Variants in GRIK2 observed in about 807,000 individuals in gnomAD.
The protein encoded by GRIK2 is glutamate ionotropic receptor kainate type subunit 2.
A neutral mutation model predicts 100.3 loss-of-function variants in GRIK2; 32 were observed. The ratio of observed to expected loss-of-function variants is 0.32; its 90% CI spans 0.24 to 0.43. GRIK2 has a LOEUF of 0.43. Among genes scored for constraint, GRIK2 ranks in the 20% least tolerant of loss-of-function variants. GRIK2 has a pLI of 1.00. For synonymous variants in GRIK2, 417 were observed against 389.4 expected (o/e 1.07, Z -0.83); for missense variants, 843 against 1,114.9 (o/e 0.76, Z 3.47).
At position 101,738,139 on chromosome 6, in the gene GRIK2, CAATTGACACATTAAATGTCAATTGT is replaced by C. The variant is rs1369163379; in HGVS notation, c.951+51795_951+51819del. On this transcript the variant is annotated intron_variant, in intron 7 of 16. Transcript: ENST00000369134. ...TTATCCTAACATAGGAAAAAATATA[CAATTGACACATTAAATGTCAATTGT>C]AATTGACAATTGTCAAATGTCAATT... 1.4e-3 allele frequency among the ~76,000 whole-genome samples: 195 copies of C among 140,936 alleles called. 2 individuals carry two copies. The highest frequency in any genetic ancestry group is 4.5e-3 in the African/African-American group (170 of 38,080). The allele number at this position is 140,936 out of a possible 152,430, so 92.5% of individuals were successfully genotyped here. A position where few individuals can be genotyped will look rare whatever the true frequency, so the allele number is the denominator to read the frequency against.
At chr6:102,037,264 A>G (rs1010382944) in intron 15 of GRIK2, among the ~76,000 whole-genome samples, 3 of 151,328 alleles carry the variant, frequency 2.0e-5, no homozygotes, top group African/African-American at 7.3e-5. Context: ...CTGAGTCCAC[A>G]TAATTGAGGG....
At chr6:101,922,118 T>C (rs1219524036) in intron 12 of GRIK2, among the ~76,000 whole-genome samples, 273 of 15,392 alleles carry the variant, frequency 0.018, 4 homozygotes, top group African/African-American at 0.065. Flanking sequence ...CTTCCTTCCT[T>C]CCTTCCTTCC....
Position 101,943,369 on chromosome 6 carries a change from C to A in GRIK2, c.2085+14737C>A, listed in dbSNP as rs562171271. Reference sequence around the variant, plus strand: ...GGGAAATGTGGGGTTGGAGCCCCCACACAGAGTCTCCACTGGGGCACTGCC... The same window carrying A: ...GGGAAATGTGGGGTTGGAGCCCCCAAACAGAGTCTCCACTGGGGCACTGCC... On this transcript the variant is annotated intron_variant, in intron 14 of 16. Transcript: ENST00000369134. Among the ~76,000 whole-genome samples, 3 of 152,310 alleles carry A rather than the reference C, an allele frequency of 2.0e-5. No homozygotes were observed. The East Asian group carries it at 5.8e-4, about 29-fold the overall frequency.
intron 14 of GRIK2, among the ~76,000 whole-genome samples, chr6:102,018,239 C>A (rs534580811): frequency 1.9e-4 from 29 of 152,222 alleles, no homozygotes; most frequent in Non-Finnish European, 3.7e-4. Context: ...GGTCTACAAT[C>A]TCGCAGATCC....
At chr6:101,559,813 G>T (rs1255472304) in intron 2 of GRIK2, among the ~76,000 whole-genome samples, 7 of 151,968 alleles carry the variant, frequency 4.6e-5, no homozygotes, top group Non-Finnish European at 1.0e-4. Flanking sequence ...GAATACAACT[G>T]CTGGTTTTAC....
intron 10 of GRIK2, among the ~76,000 whole-genome samples, chr6:101,826,266 G>A (rs1325316476): frequency 6.6e-6 from 1 of 152,010 alleles, no homozygotes; most frequent in Non-Finnish European, 1.5e-5. Context: ...AGTCTGCTTT[G>A]AGAGGCACTG....
chr6:101,675,213 C>G (rs1238849699), intron 4 of GRIK2, among the ~76,000 whole-genome samples: 1 of 151,936 alleles, frequency 6.6e-6, no homozygotes, highest in Non-Finnish European at 1.5e-5. Context: ...TATATTTACT[C>G]CTGTTTTCAA....
intron 12 of GRIK2, among the ~76,000 whole-genome samples, chr6:101,911,055 A>G (rs1272356667): frequency 2.3e-5 from 1 of 42,582 alleles, no homozygotes. Flanking sequence ...TATTTCTACC[A>G]TATAAAATGT....
chr6:101,444,074 T>G (rs1770235106), intron 2 of GRIK2, among the ~76,000 whole-genome samples: 1 of 134,578 alleles, frequency 7.4e-6, no homozygotes, highest in Non-Finnish European at 1.8e-5. Context: ...GGTTTTTTTG[T>G]TTGTTTGTTT....
chr6:101,873,338 A>G (rs1785561344), intron 11 of GRIK2, among the ~76,000 whole-genome samples: 1 of 147,410 alleles, frequency 6.8e-6, no homozygotes, highest in Non-Finnish European at 1.5e-5. Flanking sequence ...GAGTGAGAAC[A>G]TGTGGTGTTT....
intron 2 of GRIK2, among the ~76,000 whole-genome samples, chr6:101,546,247 G>A (rs192288042): frequency 6.6e-5 from 10 of 152,026 alleles, no homozygotes; most frequent in Non-Finnish European, 1.5e-4. Context: ...AAGATGTTGC[G>A]GTTATCTCAA....
In GRIK2 at chr6:101,799,167, G is replaced by C. The variant is rs182169216; in HGVS notation, c.952-481G>C. 2.6e-4 allele frequency among the ~76,000 whole-genome samples: 40 copies of C among 152,164 alleles called. 1 individual carries two copies. In the East Asian group the frequency reaches 6.8e-3, roughly 26 times the overall value. On this transcript the variant is annotated intron_variant, in intron 7 of 16. Coordinates refer to ENST00000369134, the MANE Select transcript of GRIK2 (RefSeq NM_021956.5). The stretch of plus-strand genomic sequence containing the variant: ...ACAATGAAAGAATTTAAGGTTTTAA[G>C]TAAGTCTCCCTTAAAATCTTGGTTT...
chr6:101,403,466 G>A (rs1361397934), intron 2 of GRIK2, among the ~76,000 whole-genome samples: 1 of 152,206 alleles, frequency 6.6e-6, no homozygotes, highest in African/African-American at 2.4e-5. Flanking sequence ...CAATCACACA[G>A]TCACCTCCTT....
At chr6:101,514,790 G>A (rs917093451) in intron 2 of GRIK2, among the ~76,000 whole-genome samples, 12 of 152,080 alleles carry the variant, frequency 7.9e-5, no homozygotes, top group Admixed American at 3.9e-4. Flanking sequence ...AAGTAAGGTC[G>A]CTGTTTTATG....
intron 11 of GRIK2, among the ~76,000 whole-genome samples, chr6:101,888,445 T>C (rs1786811478): frequency 6.6e-6 from 1 of 152,324 alleles, no homozygotes; most frequent in African/African-American, 2.4e-5. Flanking sequence ...ATTATTGTTT[T>C]AAATTGATAT....
chr6:101,952,178 A>G (rs1197122759), intron 14 of GRIK2, among the ~76,000 whole-genome samples: 2 of 152,244 alleles, frequency 1.3e-5, no homozygotes, highest in Non-Finnish European at 2.9e-5. Flanking sequence ...ACCATCCAGT[A>G]TGTAACCTTT....
intron 12 of GRIK2, 49 bp downstream of exon 12, chr6:101,889,912 TCTAA>T (rs1786932648): frequency 8.3e-6 from 8 of 965,270 alleles, no homozygotes; most frequent in Non-Finnish European, 1.2e-5. Context: ...ACCTCCTTTA[TCTAA>T]CTAATAATTG....
intron 2 of GRIK2, among the ~76,000 whole-genome samples, chr6:101,426,090 G>A (rs1221848890): frequency 5.3e-5 from 8 of 152,092 alleles, no homozygotes; most frequent in East Asian, 1.9e-4. Flanking sequence ...ACATCTTTTC[G>A]CTAAGCATTC....
At chr6:102,034,051 C>T (rs777182088) in intron 14 of GRIK2, among the ~76,000 whole-genome samples, 28 of 151,312 alleles carry the variant, frequency 1.9e-4, no homozygotes, top group Admixed American at 4.0e-4. Flanking sequence ...ATTATCTTGG[C>T]CAGGCATGGT....
Sources: allele counts gnomAD v4.1 joint callset (sites outside exome capture counted in the v4.1 genomes callset), GRCh38; gene constraint gnomAD v4.1.1; transcripts MANE v1.5; gene names NCBI Gene and HGNC (gene_info 2026-07-23, HGNC 2026-07-21).